Variants in PARVA observed in about 807,000 individuals in gnomAD.
PARVA encodes the protein alpha-parvin.
A neutral mutation model predicts 52.6 loss-of-function variants in PARVA; 25 were observed. That is an observed-to-expected ratio of 0.48 (90% CI 0.35 to 0.66). PARVA has a LOEUF of 0.66. PARVA is among the 30% of genes least tolerant of loss of function. The pLI, the probability that PARVA is intolerant of heterozygous loss-of-function variation, is 0.01. For synonymous variants in PARVA, 185 were observed against 179.1 expected, an observed-to-expected ratio of 1.03 and a Z score of -0.26; for missense variants, 373 against 450.9, an observed-to-expected ratio of 0.83 and a Z score of 1.56.
At chr11:12,488,053 T>G (rs1011330683) in intron 4 of PARVA, among the ~76,000 whole-genome samples, 1 of 152,176 alleles carries the variant, frequency 6.6e-6, no homozygotes, top group African/African-American at 2.4e-5. Context: ...CAAATAACAT[T>G]TGATACATAT....
intron 6 of PARVA, among the ~76,000 whole-genome samples, chr11:12,505,122 C>T (rs951380854): frequency 6.6e-6 from 1 of 152,192 alleles, no homozygotes; most frequent in African/African-American, 2.4e-5. Context: ...GCTCCTAACC[C>T]CATTAAATAC....
At chr11:12,510,523 GT>G (rs925781326) in intron 7 of PARVA, among the ~76,000 whole-genome samples, 3 of 151,982 alleles carry the variant, frequency 2.0e-5, no homozygotes, top group Non-Finnish European at 4.4e-5. Flanking sequence ...CACTGTATGA[GT>G]TTTTTTTCCA....
At chr11:12,525,687 G>A (rs892658550) in intron 12 of PARVA, among the ~76,000 whole-genome samples, 1 of 152,140 alleles carries the variant, frequency 6.6e-6, no homozygotes, top group African/African-American at 2.4e-5. Context: ...AGCAAGGCAA[G>A]GTAGCAGGAC....
intron 1 of PARVA, among the ~76,000 whole-genome samples, chr11:12,395,818 G>C (rs1324845717): frequency 6.6e-6 from 1 of 152,080 alleles, no homozygotes; most frequent in Admixed American, 6.6e-5. Flanking sequence ...ATTTGGAGAT[G>C]GTATTAAACG....
chr11:12,531,045 T>C lies in PARVA; in HGVS notation c.*3120T>C, dbSNP rs1307643992. On this transcript the variant is annotated 3_prime_UTR_variant, in exon 13 of 13. Coordinates refer to ENST00000334956, the MANE Select transcript of PARVA (RefSeq NM_018222.5). ...TGAATTGTATGCAGATTGATGAAGGTTTCATTTTTATATATTACCAGGACT... is the reference window on the plus strand; with the variant it reads ...TGAATTGTATGCAGATTGATGAAGGCTTCATTTTTATATATTACCAGGACT... 6.6e-6 allele frequency among the ~76,000 whole-genome samples: 1 copy of C among 152,110 alleles called. No homozygotes were observed. The highest frequency in any genetic ancestry group is 1.5e-5 in the Non-Finnish European group (1 of 68,020).
At chr11:12,404,568 A>G (rs1939875314) in intron 1 of PARVA, among the ~76,000 whole-genome samples, 2 of 152,368 alleles carry the variant, frequency 1.3e-5, no homozygotes, top group Admixed American at 6.5e-5. Context: ...CAGTTGGGCT[A>G]TCCCTTCATG....
intron 4 of PARVA, among the ~76,000 whole-genome samples, chr11:12,481,394 G>A (rs542905303): frequency 1.3e-5 from 2 of 150,926 alleles, no homozygotes; most frequent in Non-Finnish European, 1.5e-5. Flanking sequence ...GCTCTTTCAG[G>A]TTGCCTCCTG....
intron 1 of PARVA, among the ~76,000 whole-genome samples, chr11:12,445,596 C>T (rs1940533825): frequency 6.6e-6 from 1 of 152,094 alleles, no homozygotes; most frequent in African/African-American, 2.4e-5. Flanking sequence ...AATTCTGGAT[C>T]CTTCCTTCTG....
At chr11:12,477,238 G>T (rs1236601914) in intron 3 of PARVA, 4 of 152,110 alleles carry the variant, frequency 2.6e-5, no homozygotes, top group Admixed American at 6.6e-5. Flanking sequence ...GGGATTACAG[G>T]CACCTATCAC....
chr11:12,473,045 A>C (rs923918765), intron 1 of PARVA, among the ~76,000 whole-genome samples: 1 of 152,124 alleles, frequency 6.6e-6, no homozygotes, highest in African/African-American at 2.4e-5. Flanking sequence ...GGATTTGAAG[A>C]CTGTAAAAGA....
chr11:12,377,474 GA>G, upstream of PARVA: 2 of 1,399,276 alleles, frequency 1.4e-6, no homozygotes, highest in Non-Finnish European at 1.9e-6. Flanking sequence ...CGGCGCGAGG[GA>G]GGGAGCGAGG....
intron 1 of PARVA, among the ~76,000 whole-genome samples, chr11:12,426,823 G>A (rs925747376): frequency 1.3e-5 from 2 of 152,182 alleles, no homozygotes; most frequent in Non-Finnish European, 2.9e-5. Flanking sequence ...AGGAGCAGGC[G>A]AAATTAGGAG....
At chr11:12,397,483 C>T (rs1266789141) in intron 1 of PARVA, among the ~76,000 whole-genome samples, 2 of 152,316 alleles carry the variant, frequency 1.3e-5, no homozygotes, top group East Asian at 1.9e-4. Flanking sequence ...TGAGGCAAAA[C>T]GTTTTTAAGT....
intron 1 of PARVA, among the ~76,000 whole-genome samples, chr11:12,379,319 C>T (rs1939450936): frequency 6.6e-6 from 1 of 152,168 alleles, no homozygotes; most frequent in African/African-American, 2.4e-5. Context: ...CAGTAGGTCT[C>T]ACTCAGCCTT....
chr11:12,468,763 CTG>C lies in PARVA; in HGVS notation c.137-4981_137-4980del, dbSNP rs1940890060. Among the ~76,000 whole-genome samples the C allele has an allele frequency of 2.0e-5, 3 of 152,200 alleles. No individual in the cohort carries two copies. The South Asian group carries it at 6.2e-4, about 32-fold the overall frequency. The stretch of plus-strand genomic sequence containing the variant: ...CTAGCTTCTTCCTTGAGCTTACTCA[CTG>C]CATGGCTACAAAATGGCTGCAACAA... On this transcript the variant is annotated intron_variant, in intron 1 of 12. Coordinates refer to ENST00000334956, the MANE Select transcript of PARVA (RefSeq NM_018222.5).
chr11:12,379,917 T>A (rs1432129408), intron 1 of PARVA, among the ~76,000 whole-genome samples: 1 of 152,196 alleles, frequency 6.6e-6, no homozygotes, highest in Non-Finnish European at 1.5e-5. Context: ...CAGTTTAAGA[T>A]GGGGCAACTG....
chr11:12,377,803 C>T lies in PARVA; in HGVS notation c.136+20C>T, dbSNP rs1270646821. 8.8e-6 allele frequency: 13 copies of T among 1,473,530 alleles called. No homozygotes were observed. In the Admixed American group the frequency reaches 1.1e-4, roughly 12 times the overall value. The allele number at this position is 1,473,530 out of a possible 1,614,324, so 91.3% of individuals were successfully genotyped here. A position where few individuals can be genotyped will look rare whatever the true frequency, so the allele number is the denominator to read the frequency against. On this transcript the variant is annotated intron_variant, in intron 1 of 12. Coordinates refer to ENST00000334956, the MANE Select transcript of PARVA (RefSeq NM_018222.5). ...AGGAGGGTGAGTGCGGCCAGGCCGG[C>T]CGGGCGGGCGGTAGGAGCCGGGGGT... is the stretch of plus-strand genomic sequence containing the variant.
chr11:12,534,097 G>A lies in PARVA; in HGVS notation c.*6172G>A, dbSNP rs1941807363. Among the ~76,000 whole-genome samples, 1 of 152,128 alleles carries A rather than the reference G, an allele frequency of 6.6e-6. No homozygotes were observed. The highest frequency in any genetic ancestry group is 1.9e-4 in the East Asian group (1 of 5,196). On this transcript the variant is annotated 3_prime_UTR_variant, in exon 13 of 13. Coordinates refer to ENST00000334956, the MANE Select transcript of PARVA (RefSeq NM_018222.5). The stretch of plus-strand genomic sequence containing the variant: ...GCAGAAGTATTGCTTGAACCCAGGA[G>A]GCAGAGGTTGCAATGAGCTGAGATC...
At position 12,531,800 on chromosome 11, in the gene PARVA, C is replaced by T. The variant is rs1179318271; in HGVS notation, c.*3875C>T. On this transcript the variant is annotated 3_prime_UTR_variant, in exon 13 of 13. Transcript: ENST00000334956. Reference sequence around the variant, plus strand: ...AAATCCAAGAGAATTGCTGCAGCTGCTGAAAACAAGAGAGCTGCATTAAGC... The same window carrying T: ...AAATCCAAGAGAATTGCTGCAGCTGTTGAAAACAAGAGAGCTGCATTAAGC... Among the ~76,000 whole-genome samples the T allele has an allele frequency of 6.6e-6, 1 of 152,002 alleles. No homozygotes were observed. Among genetic ancestry groups the T allele is most frequent in the Admixed American group, 6.6e-5 (1 of 15,254 alleles).
Sources: allele counts gnomAD v4.1 joint callset (sites outside exome capture counted in the v4.1 genomes callset), GRCh38; gene constraint gnomAD v4.1.1; transcripts MANE v1.5; gene names NCBI Gene and HGNC (gene_info 2026-07-23, HGNC 2026-07-21).